The following RBFOX2 variants were observed in gnomAD, a reference collection of about 807,000 sequenced individuals.
The protein encoded by RBFOX2 is RNA binding protein fox-1 homolog 2.
A neutral mutation model predicts 49.1 loss-of-function variants in RBFOX2; 10 were observed. The observed-to-expected ratio is 0.20, with a 90% CI of 0.13 to 0.35. The LOEUF (loss-of-function observed/expected upper bound fraction) is 0.35, where lower values mean the gene tolerates loss of function less well. Among genes scored for constraint, RBFOX2 ranks in the 10% least tolerant of loss-of-function variants. The pLI, the probability that RBFOX2 is intolerant of heterozygous loss-of-function variation, is 1.00. For synonymous variants in RBFOX2, 183 were observed against 187.4 expected, an observed-to-expected ratio of 0.98 and a Z score of 0.19; for missense variants, 323 against 486.9, an observed-to-expected ratio of 0.66 and a Z score of 3.17.
At chr22:35,777,453 G>C (rs1032369602) in intron 4 of RBFOX2, among the ~76,000 whole-genome samples, 1 of 152,192 alleles carries the variant, frequency 6.6e-6, no homozygotes, top group East Asian at 1.9e-4. Flanking sequence ...TGATTTAGGT[G>C]ACTCTACATC....
At chr22:35,909,373 G>C (rs1340623152) in intron 1 of RBFOX2, among the ~76,000 whole-genome samples, 1 of 152,112 alleles carries the variant, frequency 6.6e-6, no homozygotes, top group Non-Finnish European at 1.5e-5. Flanking sequence ...AAAGAAGGGA[G>C]TTGAGAGGTT....
intron 1 of RBFOX2, among the ~76,000 whole-genome samples, chr22:35,830,012 AG>A (rs1346709771): frequency 6.6e-6 from 1 of 152,204 alleles, no homozygotes; most frequent in East Asian, 1.9e-4. Context: ...CCAATCTTCT[AG>A]CCATGTAAAG....
chr22:35,868,170 C>T (rs2043908016), intron 1 of RBFOX2, among the ~76,000 whole-genome samples: 2 of 152,186 alleles, frequency 1.3e-5, no homozygotes, highest in African/African-American at 4.8e-5. Flanking sequence ...ACAATGGCAC[C>T]ACTGCACTCC....
intron 1 of RBFOX2, among the ~76,000 whole-genome samples, chr22:35,945,374 A>T (rs2054159933): frequency 6.6e-6 from 1 of 151,348 alleles, no homozygotes; most frequent in African/African-American, 2.4e-5. Context: ...CAGAAGATGT[A>T]AAATCCCATA....
chr22:35,875,607 GGTGTGTGTGT>G (rs56137825), intron 1 of RBFOX2, among the ~76,000 whole-genome samples: 6,025 of 117,680 alleles, frequency 0.051, 155 homozygotes, highest in Admixed American at 0.076. Flanking sequence ...TGCTCACAAG[GGTGTGTGTGT>G]GTGTGTGTGT....
chr22:35,844,833 T>A (rs2040973680), upstream of RBFOX2, among the ~76,000 whole-genome samples: 1 of 152,028 alleles, frequency 6.6e-6, no homozygotes, highest in Non-Finnish European at 1.5e-5. Context: ...TCAGTATCTT[T>A]CAGAAATCTG....
Position 35,749,555 on chromosome 22 carries a change from T to C in RBFOX2, c.888-2994A>G, listed in dbSNP as rs1455337721. ...CACATACACTTACTCGAAAGTATTT[T>C]TGCTGCTTTATTCAACAAAACATAT... On this transcript the variant is annotated intron_variant, in intron 9 of 11. Coordinates refer to ENST00000405409, the Ensembl canonical transcript of RBFOX2. The surrounding 1 kb of genome is among the most constrained non-coding windows in gnomAD (Gnocchi z 4.1). Among the ~76,000 whole-genome samples the C allele has an allele frequency of 6.6e-6, 1 of 152,118 alleles. No individual in the cohort carries two copies. Among genetic ancestry groups the C allele is most frequent in the Non-Finnish European group, 1.5e-5 (1 of 68,010 alleles).
intron 1 of RBFOX2, among the ~76,000 whole-genome samples, chr22:35,979,918 A>G (rs796924485): frequency 1.3e-5 from 2 of 152,300 alleles, no homozygotes; most frequent in African/African-American, 4.8e-5. Flanking sequence ...GGTAACCATC[A>G]CGTAACGAAG....
At chr22:35,823,335 G>A (rs1954946158) in intron 1 of RBFOX2, among the ~76,000 whole-genome samples, 1 of 152,208 alleles carries the variant, frequency 6.6e-6, no homozygotes, top group Non-Finnish European at 1.5e-5. Context: ...ACACTAGCAA[G>A]CAGCCTCCTT....
chr22:35,951,218 T>C (rs1217706700), intron 1 of RBFOX2, among the ~76,000 whole-genome samples: 1 of 149,626 alleles, frequency 6.7e-6, no homozygotes, highest in Non-Finnish European at 1.5e-5. Flanking sequence ...CCTCCCAAAG[T>C]GCTGGGATTA....
At chr22:35,856,973 A>G (rs1377356619) in intron 1 of RBFOX2, among the ~76,000 whole-genome samples, 1 of 152,220 alleles carries the variant, frequency 6.6e-6, no homozygotes, top group Non-Finnish European at 1.5e-5. Flanking sequence ...CAGAGGTTGC[A>G]GTGAGCCGAG....
intron 4 of RBFOX2, chr22:35,777,768 C>T: frequency 2.1e-6 from 1 of 479,360 alleles, no homozygotes; most frequent in East Asian, 3.3e-5. Context: ...TCTCCTACAT[C>T]CTGTGTTCTT....
At chr22:35,888,005 T>A (rs2046800762) in intron 1 of RBFOX2, among the ~76,000 whole-genome samples, 1 of 152,140 alleles carries the variant, frequency 6.6e-6, no homozygotes, top group Non-Finnish European at 1.5e-5. Context: ...TCTACCTCCC[T>A]CCTAAGCCAG....
At chr22:36,000,640 T>C (rs1260960711) in intron 1 of RBFOX2, among the ~76,000 whole-genome samples, 1 of 152,096 alleles carries the variant, frequency 6.6e-6, no homozygotes, top group African/African-American at 2.4e-5. Context: ...ATGAACAAGG[T>C]ACCCGGGAAT....
At position 35,786,613 on chromosome 22, in the gene RBFOX2, G is replaced by A. The variant is rs370832448; in HGVS notation, c.253-4867C>T. Among the ~76,000 whole-genome samples the A allele has an allele frequency of 1.9e-4, 29 of 152,342 alleles. No homozygotes were observed. In the East Asian group the frequency reaches 5.4e-3, roughly 28 times the overall value. On this transcript the variant is annotated intron_variant, in intron 2 of 11. Coordinates refer to ENST00000405409, the Ensembl canonical transcript of RBFOX2. Reference sequence around the variant, plus strand: ...CTTCTAACTCTAGGCCTCCCAAAGTGCTGGGATTACAGGCGTGAGCCACAG... The same window carrying A: ...CTTCTAACTCTAGGCCTCCCAAAGTACTGGGATTACAGGCGTGAGCCACAG...
At chr22:35,773,568 A>G (rs1374201872) in intron 4 of RBFOX2, among the ~76,000 whole-genome samples, 3 of 152,070 alleles carry the variant, frequency 2.0e-5, no homozygotes, top group Non-Finnish European at 2.9e-5. Flanking sequence ...CAATTTTTAA[A>G]AAAGAAAAAA....
chr22:35,993,016 A>C (rs2058045786), intron 1 of RBFOX2: 1 of 152,240 alleles, frequency 6.6e-6, no homozygotes, highest in Admixed American at 6.5e-5. Context: ...AACATACAAA[A>C]ACATAATACA....
At chr22:35,888,441 T>C (rs1050072254) in intron 1 of RBFOX2, among the ~76,000 whole-genome samples, 2 of 152,232 alleles carry the variant, frequency 1.3e-5, no homozygotes, top group African/African-American at 2.4e-5. Context: ...ATACCTAGGC[T>C]ATACAATACA....
At chr22:35,923,548 CT>C (rs2051266201) in intron 1 of RBFOX2, among the ~76,000 whole-genome samples, 1 of 152,060 alleles carries the variant, frequency 6.6e-6, no homozygotes, top group Non-Finnish European at 1.5e-5. Context: ...ACTTCCAAAT[CT>C]TTTCTAGGAG....
Sources: gnomAD v4.1 joint callset for allele counts (sites outside exome capture counted in the v4.1 genomes callset) on GRCh38, gnomAD v4.1.1 for gene constraint, Gnocchi (gnomAD v3.1) non-coding constraint, MANE v1.5 for transcripts, NCBI Gene and HGNC (gene_info 2026-07-23, HGNC 2026-07-21) for gene names.